The following TCF7L2 variants were observed in gnomAD, a reference collection of about 807,000 sequenced individuals.
TCF7L2 encodes the protein transcription factor 7-like 2.
In TCF7L2, 23 loss-of-function variants were observed where a neutral mutation model predicts 77.9. The ratio of observed to expected loss-of-function variants is 0.30; its 90% CI spans 0.21 to 0.42. TCF7L2 has a LOEUF of 0.42. TCF7L2 is among the 10% of genes least tolerant of loss of function. The probability of loss-of-function intolerance (pLI) is 1.00; values close to 1 mark genes in which losing one functional copy is unlikely to be tolerated. For missense variants in TCF7L2, 654 were observed against 793.1 expected (o/e 0.82, Z 2.11); for synonymous variants, 413 against 340.2 (o/e 1.21, Z -2.36).
chr10:113,146,139 G>A (rs2136994023), intron 8 of TCF7L2, 42 bp downstream of exon 8: 2 of 1,590,708 alleles, frequency 1.3e-6, no homozygotes, highest in Non-Finnish European at 1.7e-6. Flanking sequence ...GGCCATGTGT[G>A]ACTTCTCAAG....
chr10:113,156,676 GA>G (rs1310609819), intron 11 of TCF7L2, among the ~76,000 whole-genome samples: 1 of 152,158 alleles, frequency 6.6e-6, no homozygotes, highest in East Asian at 1.9e-4. Context: ...CGAGCAGATG[GA>G]TCAGGTTGGA....
chr10:112,967,761 G>A (rs186247098), intron 4 of TCF7L2, among the ~76,000 whole-genome samples: 5 of 150,400 alleles, frequency 3.3e-5, no homozygotes, highest in Admixed American at 6.6e-5. Flanking sequence ...TCAGCCTCCC[G>A]AGTAGCTGGG....
intron 13 of TCF7L2, chr10:113,161,707 T>TA: frequency 2.3e-6 from 3 of 1,281,788 alleles, no homozygotes; most frequent in Non-Finnish European, 3.3e-6. Context: ...GTTTAGACGT[T>TA]AGATCAGATG....
At chr10:112,959,319 C>T (rs1030583706) in intron 3 of TCF7L2, among the ~76,000 whole-genome samples, 5 of 152,098 alleles carry the variant, frequency 3.3e-5, no homozygotes, top group Non-Finnish European at 7.4e-5. Flanking sequence ...TGTTGCAAGT[C>T]AATACTTCTT....
At chr10:113,129,775 A>G (rs2066264589) in intron 5 of TCF7L2, 1 of 1,269,386 alleles carries the variant, frequency 7.9e-7, no homozygotes, top group Non-Finnish European at 1.0e-6. Flanking sequence ...AAAAGCAGAA[A>G]GGGAGGAGGA....
intron 5 of TCF7L2, among the ~76,000 whole-genome samples, chr10:113,127,635 GCAGCA>G: frequency 6.6e-6 from 1 of 150,772 alleles, no homozygotes; most frequent in East Asian, 2.0e-4. Flanking sequence ...ACAGAACTTT[GCAGCA>G]CTTGATCACC....
chr10:113,122,491 C>T (rs953333258), intron 5 of TCF7L2, among the ~76,000 whole-genome samples: 1 of 152,204 alleles, frequency 6.6e-6, no homozygotes, highest in Non-Finnish European at 1.5e-5. Flanking sequence ...AGTACATTCT[C>T]ATTCTTATCT....
At chr10:113,102,441 T>A (rs1240418844) in intron 5 of TCF7L2, among the ~76,000 whole-genome samples, 2 of 151,596 alleles carry the variant, frequency 1.3e-5, no homozygotes, top group Non-Finnish European at 1.5e-5. Flanking sequence ...TTTTTTTTTT[T>A]TGAGACAGAG....
At chr10:113,062,364 C>T (rs2056599826) in intron 5 of TCF7L2, among the ~76,000 whole-genome samples, 1 of 152,168 alleles carries the variant, frequency 6.6e-6, no homozygotes, top group Non-Finnish European at 1.5e-5. Context: ...TTCCCAAGTG[C>T]TCACAAAATA....
chr10:113,033,737 A>AT (rs1410186124), intron 4 of TCF7L2, among the ~76,000 whole-genome samples: 1 of 152,056 alleles, frequency 6.6e-6, no homozygotes, highest in East Asian at 1.9e-4. Context: ...GGCTTTCTGG[A>AT]TTTTTTCAAA....
At chr10:113,114,019 A>T (rs752505983) in intron 5 of TCF7L2, among the ~76,000 whole-genome samples, 2 of 152,152 alleles carry the variant, frequency 1.3e-5, no homozygotes, top group South Asian at 4.2e-4. Context: ...TTAAAATCTT[A>T]ATAAGGCCCC....
intron 5 of TCF7L2, among the ~76,000 whole-genome samples, chr10:113,074,614 A>G (rs1372737203): frequency 2.0e-5 from 3 of 152,072 alleles, no homozygotes; most frequent in African/African-American, 7.2e-5. Context: ...CACCAGCACC[A>G]TATTTTGCTG....
At chr10:112,968,648 G>A (rs1260884593) in intron 4 of TCF7L2, among the ~76,000 whole-genome samples, 1 of 151,910 alleles carries the variant, frequency 6.6e-6, no homozygotes, top group African/African-American at 2.4e-5. Context: ...GCGTGATCTC[G>A]GCTCACTGCA....
intron 5 of TCF7L2, among the ~76,000 whole-genome samples, chr10:113,115,013 G>A (rs1175409622): frequency 6.6e-6 from 1 of 152,192 alleles, no homozygotes; most frequent in East Asian, 1.9e-4. Flanking sequence ...AACTGTATTG[G>A]CAGCAGATAT....
chr10:113,118,644 TTTTTTTTTTG>T (rs1342984991), intron 5 of TCF7L2, among the ~76,000 whole-genome samples: 52 of 57,892 alleles, frequency 9.0e-4, no homozygotes, highest in Non-Finnish European at 1.5e-3. Flanking sequence ...GTTGGGGAAG[TTTTTTTTTTG>T]TTTTTTTTTG....
chr10:113,165,202 C>G (rs1243397686), intron 13 of TCF7L2, among the ~76,000 whole-genome samples: 1 of 152,162 alleles, frequency 6.6e-6, no homozygotes, highest in African/African-American at 2.4e-5. Context: ...TCAATTTGGA[C>G]AAAGCCACTT....
chr10:113,150,520 G>A (rs1010628058), intron 8 of TCF7L2, among the ~76,000 whole-genome samples: 1 of 152,186 alleles, frequency 6.6e-6, no homozygotes, highest in African/African-American at 2.4e-5. Flanking sequence ...GAGGCCTAAT[G>A]AGGCTTGCAC....
At chr10:113,063,612 C>A (rs924846528) in intron 5 of TCF7L2, among the ~76,000 whole-genome samples, 68 of 152,142 alleles carry the variant, frequency 4.5e-4, no homozygotes, top group African/African-American at 1.6e-3. Flanking sequence ...CCGGATGGGA[C>A]ATTAATCTGA....
chr10:112,986,929 T>C (rs1330108246), intron 4 of TCF7L2, among the ~76,000 whole-genome samples: 1 of 152,226 alleles, frequency 6.6e-6, no homozygotes, highest in African/African-American at 2.4e-5. Context: ...GGGCTTTTTC[T>C]TGCAGATATT....
Sources: gnomAD v4.1 joint callset for allele counts (sites outside exome capture counted in the v4.1 genomes callset) on GRCh38, gnomAD v4.1.1 for gene constraint, MANE v1.5 for transcripts, NCBI Gene and HGNC (gene_info 2026-07-23, HGNC 2026-07-21) for gene names.